MCC: variants seen among roughly 807,000 people sequenced by gnomAD.
MCC encodes the protein MCC regulator of Wnt signaling pathway, also known as colorectal mutant cancer protein.
In MCC, 90 loss-of-function variants were observed where a neutral mutation model predicts 116.2. The ratio of observed to expected loss-of-function variants is 0.77; its 90% CI spans 0.65 to 0.92. The LOEUF is 0.92. Among genes scored for constraint, MCC ranks in the 40% least tolerant of loss-of-function variants. MCC has a pLI of 0.00. For synonymous variants in MCC, 578 were observed against 510.5 expected (o/e 1.13, Z -1.78); for missense variants, 1,516 against 1,312.2 (o/e 1.16, Z -2.40).
At chr5:113,243,150 C>G (rs547346406) in intron 3 of MCC, among the ~76,000 whole-genome samples, 1 of 151,338 alleles carries the variant, frequency 6.6e-6, no homozygotes, top group Non-Finnish European at 1.5e-5. Flanking sequence ...ATGGCTGTTA[C>G]CAAGCATGTG....
intron 1 of MCC, among the ~76,000 whole-genome samples, chr5:113,475,422 G>C (rs2248930): frequency 6.6e-6 from 1 of 151,996 alleles, no homozygotes; most frequent in Non-Finnish European, 1.5e-5. Flanking sequence ...GTTTGAAAAA[G>C]TAATAGGTCC....
rs115647879 is a variant in MCC at position 113,089,051 on chromosome 5, G to A, written c.1399-3741C>T. ...ACCTGAGGCAGGGACTGACACTTGC[G>A]GGAACATCATTCAGCACCCTTCACA... On this transcript the variant is annotated intron_variant, in intron 8 of 18. Coordinates refer to ENST00000408903, the MANE Select transcript of MCC (RefSeq NM_001085377.2). Among the ~76,000 whole-genome samples, 338 of 152,274 alleles carry A rather than the reference G, an allele frequency of 2.2e-3. 5 individuals carry two copies. Among genetic ancestry groups the A allele is most frequent in the African/African-American group, 7.7e-3 (322 of 41,554 alleles).
At chr5:113,093,397 G>A (rs1204700309) in intron 8 of MCC, among the ~76,000 whole-genome samples, 3 of 151,996 alleles carry the variant, frequency 2.0e-5, no homozygotes, top group African/African-American at 7.3e-5. Context: ...GATTACACCT[G>A]TCAATAGCCA....
chr5:113,384,915 A>C, intron 2 of MCC, 53 bp downstream of exon 2: 1 of 1,600,632 alleles, frequency 6.2e-7, no homozygotes, highest in Non-Finnish European at 8.5e-7. Flanking sequence ...TTAATGAGAG[A>C]TCACAGGCAA....
At chr5:113,084,864 G>A (rs1755095934) in intron 9 of MCC, among the ~76,000 whole-genome samples, 2 of 152,242 alleles carry the variant, frequency 1.3e-5, no homozygotes, top group Admixed American at 1.3e-4. Context: ...TCTGTCCACT[G>A]TGAAGTACTG....
intron 11 of MCC, among the ~76,000 whole-genome samples, chr5:113,072,656 C>T (rs929290529): frequency 5.3e-5 from 8 of 152,286 alleles, no homozygotes; most frequent in Admixed American, 2.6e-4. Flanking sequence ...TTGCTAGATG[C>T]TCATTCTCTA....
chr5:113,323,506 C>A (rs1181563899), intron 3 of MCC, among the ~76,000 whole-genome samples: 2 of 152,066 alleles, frequency 1.3e-5, no homozygotes, highest in Non-Finnish European at 2.9e-5. Flanking sequence ...GAACAGCATT[C>A]CCAAACAAGA....
At chr5:113,111,369 C>T (rs11241192) in intron 6 of MCC, among the ~76,000 whole-genome samples, 72,057 of 151,768 alleles carry the variant, frequency 0.47, 17,508 homozygotes, top group African/African-American at 0.56. Context: ...TGTATCTAAA[C>T]AGTCCCAGTC....
chr5:113,107,902 C>T (rs1057511678), intron 6 of MCC, among the ~76,000 whole-genome samples: 1 of 152,136 alleles, frequency 6.6e-6, no homozygotes, highest in Non-Finnish European at 1.5e-5. Flanking sequence ...GTATTTCCTT[C>T]TCATACTTAA....
intron 1 of MCC, among the ~76,000 whole-genome samples, chr5:113,481,458 G>T (rs994072649): frequency 6.6e-6 from 1 of 151,882 alleles, no homozygotes; most frequent in African/African-American, 2.4e-5. Context: ...AATCTTTTTG[G>T]CCAGGCGCGG....
chr5:113,376,584 C>A (rs2222145), intron 2 of MCC, among the ~76,000 whole-genome samples: 4,841 of 151,798 alleles, frequency 0.032, 103 homozygotes, highest in East Asian at 0.074. Flanking sequence ...TACACACACA[C>A]ACACACACAC....
intron 13 of MCC, among the ~76,000 whole-genome samples, chr5:113,064,969 A>G (rs1264466190): frequency 6.6e-5 from 10 of 152,304 alleles, no homozygotes; most frequent in Middle Eastern, 3.4e-3. Flanking sequence ...CAGCCTGGGT[A>G]ACAGAGCAAG....
chr5:113,296,532 C>A (rs183791142), intron 3 of MCC, among the ~76,000 whole-genome samples: 59 of 152,208 alleles, frequency 3.9e-4, no homozygotes, highest in African/African-American at 9.1e-4. Flanking sequence ...AAGGGGAAAG[C>A]GTTCCAGGCC....
chr5:113,082,922 G>C lies in MCC; in HGVS notation c.1722C>G (p.His574Gln), dbSNP rs747470968. ...IQEIFQTLYS[H>Q]GSAISESKIR... ...TCTTGCTTTCTGAGATGGCAGATCC[G>C]TGTGAGTAGAGTGTTTGGAAAATCT... is the stretch of plus-strand genomic sequence containing the variant. Residue 574 changes from histidine to glutamine, a missense_variant, in exon 11 of 19, where the codon CAC (histidine) becomes CAG (glutamine). Physicochemically the swap from His to Gln is conservative, Grantham distance 24. Coordinates refer to ENST00000408903, the MANE Select transcript of MCC (RefSeq NM_001085377.2). 6.2e-7 allele frequency: 1 copy of C among 1,614,062 alleles called. No homozygotes were observed. Among genetic ancestry groups the C allele is most frequent in the African/African-American group, 1.3e-5 (1 of 74,912 alleles).
intron 18 of MCC, among the ~76,000 whole-genome samples, chr5:113,028,384 T>G (rs1053857831): frequency 1.3e-5 from 2 of 152,254 alleles, no homozygotes; most frequent in Admixed American, 6.5e-5. Context: ...AATGCCATTT[T>G]TTTTTTTGTA....
chr5:113,434,500 G>T lies in MCC; in HGVS notation c.171-49288C>A. The T allele has an allele frequency of 6.2e-7, 1 of 1,613,182 alleles. No individual in the cohort carries two copies. Among genetic ancestry groups the T allele is most frequent in the Non-Finnish European group, 8.5e-7 (1 of 1,179,344 alleles). On this transcript the variant is annotated intron_variant, in intron 1 of 18. Coordinates refer to ENST00000408903, the MANE Select transcript of MCC (RefSeq NM_001085377.2). This position sits in a 1 kb window ranked among gnomAD's most constrained non-coding sequence, Gnocchi z 4.2. ...AAGGAAAGCTGGTGGAACTTCTTGCGAGCTTCGTCCTCATGCAGGGCTCCC... is the reference window on the plus strand; with the variant it reads ...AAGGAAAGCTGGTGGAACTTCTTGCTAGCTTCGTCCTCATGCAGGGCTCCC...
intron 3 of MCC, among the ~76,000 whole-genome samples, chr5:113,274,194 G>A (rs1440427335): frequency 6.6e-6 from 1 of 152,208 alleles, no homozygotes; most frequent in African/African-American, 2.4e-5. Context: ...ACAATGTGTG[G>A]TAGCAATTAC....
At chr5:113,105,192 T>C (rs919167704) in intron 6 of MCC, among the ~76,000 whole-genome samples, 4 of 152,332 alleles carry the variant, frequency 2.6e-5, no homozygotes, top group African/African-American at 4.8e-5. Flanking sequence ...TGCTGACTGA[T>C]TATATGTAAT....
chr5:113,122,190 G>T (rs1040518769), intron 6 of MCC, among the ~76,000 whole-genome samples: 1 of 152,196 alleles, frequency 6.6e-6, no homozygotes, highest in East Asian at 1.9e-4. Context: ...AACATAATAT[G>T]ACTATTTCCC....
Sources: allele counts gnomAD v4.1 joint callset (sites outside exome capture counted in the v4.1 genomes callset), GRCh38; gene constraint gnomAD v4.1.1; non-coding constraint Gnocchi (gnomAD v3.1); transcripts MANE v1.5; gene names NCBI Gene and HGNC (gene_info 2026-07-23, HGNC 2026-07-21).